The following EPC2 variants were observed in gnomAD, a reference collection of about 807,000 sequenced individuals.
EPC2 encodes the protein enhancer of polycomb homolog 2.
In EPC2, 14 loss-of-function variants were observed where a neutral mutation model predicts 92.1. That is an observed-to-expected ratio of 0.15 (90% CI 0.10 to 0.24). The LOEUF (loss-of-function observed/expected upper bound fraction) is 0.24, where lower values mean the gene tolerates loss of function less well. Among genes scored for constraint, EPC2 ranks in the 10% least tolerant of loss-of-function variants. EPC2 has a pLI of 1.00. For missense variants in EPC2, 755 were observed against 971.5 expected (o/e 0.78, Z 2.96); for synonymous variants, 340 against 334.7 (o/e 1.02, Z -0.17).
intron 3 of EPC2, among the ~76,000 whole-genome samples, chr2:148,752,882 T>A (rs1026351497): frequency 6.6e-6 from 1 of 152,200 alleles, no homozygotes; most frequent in Non-Finnish European, 1.5e-5. Flanking sequence ...ATTGATCTTA[T>A]AATTTCAATG....
intron 1 of EPC2, among the ~76,000 whole-genome samples, chr2:148,647,740 C>T (rs1683833974): frequency 6.8e-6 from 1 of 147,410 alleles, no homozygotes; most frequent in Admixed American, 6.9e-5. Flanking sequence ...TCAAGTGATT[C>T]TCCTGCCTCA....
At chr2:148,749,212 T>G (rs936895623) in intron 3 of EPC2, among the ~76,000 whole-genome samples, 2 of 152,184 alleles carry the variant, frequency 1.3e-5, no homozygotes, top group Non-Finnish European at 2.9e-5. Context: ...CTGTTCCAGC[T>G]ATAGTCCTCA....
chr2:148,683,078 ATTTTTTT>A (rs936686288), intron 1 of EPC2, among the ~76,000 whole-genome samples: 1 of 147,184 alleles, frequency 6.8e-6, no homozygotes, highest in African/African-American at 2.5e-5. Context: ...AGGATCTTAA[ATTTTTTT>A]TTTTTTAATT....
intron 1 of EPC2, among the ~76,000 whole-genome samples, chr2:148,679,111 A>G (rs1008658031): frequency 2.0e-5 from 3 of 152,246 alleles, no homozygotes; most frequent in African/African-American, 7.2e-5. Flanking sequence ...GGATCTAAAA[A>G]TGTTTTGTAC....
At position 148,765,019 on chromosome 2, in the gene EPC2, C is replaced by T; in HGVS notation, c.1013C>T (p.Pro338Leu). 1.2e-6 allele frequency: 2 copies of T among 1,606,250 alleles called. No individual in the cohort carries two copies. The highest frequency in any genetic ancestry group is 1.7e-6 in the Non-Finnish European group (2 of 1,175,822). Reference protein sequence around the residue: ...SDVVRQKKKYPKKPKAEALIT... With the variant: ...SDVVRQKKKYLKKPKAEALIT... ...GTGGTTCGTCAAAAGAAGAAGTACC[C>T]AAAGAAGCCTAAAGCAGAGGCTTTG... is the stretch of plus-strand genomic sequence containing the variant. The change falls in exon 7 of 14, where the codon CCA (proline) becomes CTA (leucine). Residue 338 changes from proline (P) to leucine (L), a missense_variant. Transcript: ENST00000258484.
intron 2 of EPC2, among the ~76,000 whole-genome samples, chr2:148,705,343 A>T (rs951976319): frequency 6.6e-6 from 1 of 152,178 alleles, no homozygotes; most frequent in Non-Finnish European, 1.5e-5. Context: ...TTGAGTGATG[A>T]TAAGTTTTAG....
At chr2:148,785,273 C>T (rs1041088145) in intron 13 of EPC2, among the ~76,000 whole-genome samples, 1 of 152,040 alleles carries the variant, frequency 6.6e-6, no homozygotes, top group Admixed American at 6.6e-5. Flanking sequence ...AAAAGGACAT[C>T]CAACTGTCAA....
intron 12 of EPC2, 24 bp from the exon 13 acceptor site, chr2:148,784,644 T>C (rs1683826745): frequency 1.3e-6 from 2 of 1,513,630 alleles, no homozygotes; most frequent in Admixed American, 2.0e-5. Flanking sequence ...ATGATACTAG[T>C]TGAATGACTT....
intron 2 of EPC2, among the ~76,000 whole-genome samples, chr2:148,700,493 C>T (rs180895755): frequency 1.8e-4 from 26 of 148,108 alleles, no homozygotes; most frequent in Admixed American, 1.2e-3. Context: ...CCCTCCCCCC[C>T]GCCCCGCATT....
chr2:148,704,780 G>A (rs1412708939), intron 2 of EPC2, among the ~76,000 whole-genome samples: 1 of 152,180 alleles, frequency 6.6e-6, no homozygotes, highest in Non-Finnish European at 1.5e-5. Context: ...GCCCAGAGTT[G>A]GAGGCAAATT....
chr2:148,654,422 T>C (rs1316070733), intron 1 of EPC2, among the ~76,000 whole-genome samples: 1 of 152,132 alleles, frequency 6.6e-6, no homozygotes, highest in Non-Finnish European at 1.5e-5. Flanking sequence ...CTCATGCCAA[T>C]TAAACATTTT....
chr2:148,726,092 G>A (rs1420221339), intron 2 of EPC2, among the ~76,000 whole-genome samples: 1 of 152,058 alleles, frequency 6.6e-6, no homozygotes, highest in Admixed American at 6.5e-5. Flanking sequence ...ATTTCATTTA[G>A]CATAACGTCC....
At chr2:148,674,661 C>T (rs974095108) in intron 1 of EPC2, among the ~76,000 whole-genome samples, 8 of 152,234 alleles carry the variant, frequency 5.3e-5, no homozygotes, top group Admixed American at 2.0e-4. Context: ...TTCTCTTTCT[C>T]TCCTGAGGAA....
At chr2:148,667,356 G>C (rs7575089) in intron 1 of EPC2, among the ~76,000 whole-genome samples, 28,036 of 152,188 alleles carry the variant, frequency 0.18, 3,294 homozygotes, top group East Asian at 0.49. Flanking sequence ...TTTCAAACCA[G>C]TGGAGATTGA....
At chr2:148,690,694 T>C (rs931069667) in intron 2 of EPC2, among the ~76,000 whole-genome samples, 5 of 151,948 alleles carry the variant, frequency 3.3e-5, no homozygotes, top group African/African-American at 1.2e-4. Flanking sequence ...AGACAGAGTC[T>C]CTCTGTTACC....
intron 2 of EPC2, among the ~76,000 whole-genome samples, chr2:148,706,497 C>T (rs541843631): frequency 2.0e-5 from 3 of 152,154 alleles, no homozygotes; most frequent in African/African-American, 4.8e-5. Context: ...ATACAGAGAA[C>T]ACCACAAAGA....
intron 2 of EPC2, among the ~76,000 whole-genome samples, chr2:148,721,422 C>T (rs1682371515): frequency 6.6e-6 from 1 of 151,966 alleles, no homozygotes; most frequent in Non-Finnish European, 1.5e-5. Context: ...CTTATCTTTG[C>T]TCCTTTGTAG....
intron 1 of EPC2, among the ~76,000 whole-genome samples, chr2:148,674,924 A>G (rs919487478): frequency 4.5e-4 from 69 of 152,244 alleles, no homozygotes; most frequent in African/African-American, 1.5e-3. Context: ...ACTGGTTTGT[A>G]ACTTCGTAGT....
At chr2:148,703,729 C>T (rs1681934111) in intron 2 of EPC2, among the ~76,000 whole-genome samples, 1 of 152,142 alleles carries the variant, frequency 6.6e-6, no homozygotes, top group African/African-American at 2.4e-5. Flanking sequence ...CAGGATCTCA[C>T]TTTATTGCCC....
Sources: allele counts gnomAD v4.1 joint callset (sites outside exome capture counted in the v4.1 genomes callset), GRCh38; gene constraint gnomAD v4.1.1; transcripts MANE v1.5; gene names NCBI Gene and HGNC (gene_info 2026-07-23, HGNC 2026-07-21).